The following SOX6 variants were observed in gnomAD, a reference collection of about 807,000 sequenced individuals.
The protein encoded by SOX6 is SRY-box transcription factor 6.
In SOX6, 11 loss-of-function variants were observed where a neutral mutation model predicts 97.8. The ratio of observed to expected loss-of-function variants is 0.11; its 90% CI spans 0.07 to 0.19. The LOEUF (loss-of-function observed/expected upper bound fraction) is 0.19, where lower values mean the gene tolerates loss of function less well. Ranked by LOEUF, SOX6 falls within the 10% of genes least tolerant of loss-of-function variation. The pLI, the probability that SOX6 is intolerant of heterozygous loss-of-function variation, is 1.00. For synonymous variants in SOX6, 360 were observed against 371.4 expected (o/e 0.97, Z 0.35); for missense variants, 810 against 1,039.5 (o/e 0.78, Z 3.04).
At chr11:16,157,722 T>A (rs1000327554) in intron 6 of SOX6, among the ~76,000 whole-genome samples, 1 of 152,062 alleles carries the variant, frequency 6.6e-6, no homozygotes, top group Non-Finnish European at 1.5e-5. Flanking sequence ...GCCACACTTG[T>A]ACTTGTTCAC....
intron 6 of SOX6, among the ~76,000 whole-genome samples, chr11:16,180,402 A>G (rs1851315717): frequency 6.6e-6 from 1 of 151,664 alleles, no homozygotes; most frequent in Non-Finnish European, 1.5e-5. Flanking sequence ...AATATTCCCA[A>G]CTCCAAAGAT....
At chr11:16,349,906 T>A (rs1856892290) in intron 1 of SOX6, among the ~76,000 whole-genome samples, 1 of 152,172 alleles carries the variant, frequency 6.6e-6, no homozygotes, top group Non-Finnish European at 1.5e-5. Context: ...TTTAACCATT[T>A]CATTTTTGAA....
intron 3 of SOX6, among the ~76,000 whole-genome samples, chr11:16,642,947 T>C (rs1848944758): frequency 6.6e-6 from 1 of 152,242 alleles, no homozygotes; most frequent in Admixed American, 6.5e-5. Flanking sequence ...CTTTGTTCCA[T>C]TGCTGGTGAG....
chr11:16,522,994 A>G (rs1004917293), intron 4 of SOX6, among the ~76,000 whole-genome samples: 1 of 152,192 alleles, frequency 6.6e-6, no homozygotes, highest in South Asian at 2.1e-4. Context: ...GTCCTTAGAG[A>G]CCTACAAAGA....
At chr11:15,996,190 C>T (rs1025706613) in intron 13 of SOX6, among the ~76,000 whole-genome samples, 2 of 151,884 alleles carry the variant, frequency 1.3e-5, no homozygotes, top group African/African-American at 4.8e-5. Context: ...TATGGAACAA[C>T]AATAGCATAT....
chr11:16,143,472 T>C (rs1181029672), intron 6 of SOX6, among the ~76,000 whole-genome samples: 1 of 152,160 alleles, frequency 6.6e-6, no homozygotes, highest in Admixed American at 6.5e-5. Context: ...GCTAACATCA[T>C]AATGACAGGA....
intron 4 of SOX6, among the ~76,000 whole-genome samples, chr11:16,198,230 C>CTTT (rs71455880): frequency 4.1e-5 from 2 of 48,360 alleles, no homozygotes; most frequent in Non-Finnish European, 7.7e-5. Flanking sequence ...ATTTTTTTTT[C>CTTT]TTTTTTTTTT....
chr11:16,642,990 C>T (rs1848946061), intron 3 of SOX6, among the ~76,000 whole-genome samples: 1 of 152,222 alleles, frequency 6.6e-6, no homozygotes, highest in African/African-American at 2.4e-5. Flanking sequence ...AAGAGGTGCT[C>T]TGATTTTTAG....
chr11:16,477,508 C>G (rs961286254), upstream of SOX6, among the ~76,000 whole-genome samples: 1 of 152,030 alleles, frequency 6.6e-6, no homozygotes, highest in Non-Finnish European at 1.5e-5. Flanking sequence ...CTAAAATATG[C>G]TTTTACCTAA....
At chr11:16,151,436 A>G (rs1297193176) in intron 6 of SOX6, among the ~76,000 whole-genome samples, 1 of 152,198 alleles carries the variant, frequency 6.6e-6, no homozygotes, top group Non-Finnish European at 1.5e-5. Context: ...AGTTCATACC[A>G]TTCACTGTCT....
At chr11:16,552,119 T>C (rs1589982417) in intron 4 of SOX6, among the ~76,000 whole-genome samples, 2 of 152,158 alleles carry the variant, frequency 1.3e-5, no homozygotes, top group African/African-American at 4.8e-5. Context: ...ACTATAGTAA[T>C]GCCTAAAATT....
intron 3 of SOX6, among the ~76,000 whole-genome samples, chr11:16,272,864 C>G (rs1854297144): frequency 6.6e-6 from 1 of 151,852 alleles, no homozygotes; most frequent in Admixed American, 6.6e-5. Flanking sequence ...CTCCATCTAG[C>G]ACAATGTTAT....
In SOX6 at chr11:16,177,792, T is replaced by C. The variant is rs116990617; in HGVS notation, c.777+6094A>G. Among the ~76,000 whole-genome samples the C allele has an allele frequency of 3.9e-3, 598 of 151,954 alleles. 2 individuals are homozygous for C. Among genetic ancestry groups the C allele is most frequent in the South Asian group, 0.028 (133 of 4,828 alleles). ...TTTTCCTATTCAGTATTATGTAATGTCACATGCTGGCCTCACCTGGAACAT... is the reference window on the plus strand; with the variant it reads ...TTTTCCTATTCAGTATTATGTAATGCCACATGCTGGCCTCACCTGGAACAT... On this transcript the variant is annotated intron_variant, in intron 6 of 15. Coordinates refer to ENST00000683767, the MANE Select transcript of SOX6 (RefSeq NM_001367873.1).
At chr11:16,622,551 A>G (rs1848560265) in intron 3 of SOX6, among the ~76,000 whole-genome samples, 1 of 152,216 alleles carries the variant, frequency 6.6e-6, no homozygotes, top group Admixed American at 6.5e-5. Flanking sequence ...TACTCTGCTT[A>G]CAATAATGGT....
intron 3 of SOX6, among the ~76,000 whole-genome samples, chr11:16,302,084 C>A (rs1208704281): frequency 6.6e-6 from 1 of 152,130 alleles, no homozygotes; most frequent in African/African-American, 2.4e-5. Flanking sequence ...TCTTCCCCTG[C>A]CATTGCCTTA....
intron 4 of SOX6, among the ~76,000 whole-genome samples, chr11:16,513,785 G>A (rs1392671889): frequency 6.6e-6 from 1 of 152,090 alleles, no homozygotes; most frequent in African/African-American, 2.4e-5. Context: ...GAACATTACA[G>A]TAAAACACAA....
chr11:16,391,556 T>C (rs1858182638), intron 1 of SOX6, among the ~76,000 whole-genome samples: 1 of 152,172 alleles, frequency 6.6e-6, no homozygotes, highest in Non-Finnish European at 1.5e-5. Context: ...TAATTCATTA[T>C]TAGTAAACAT....
chr11:16,164,858 A>T (rs903669496), intron 6 of SOX6, among the ~76,000 whole-genome samples: 1 of 151,924 alleles, frequency 6.6e-6, no homozygotes, highest in Non-Finnish European at 1.5e-5. Flanking sequence ...GAAAAAAGAA[A>T]GTCCACAGAG....
intron 1 of SOX6, among the ~76,000 whole-genome samples, chr11:16,442,567 T>C (rs1859523981): frequency 6.6e-6 from 1 of 152,124 alleles, no homozygotes; most frequent in South Asian, 2.1e-4. Flanking sequence ...ATAAATTATA[T>C]TTATGTGCAT....
Sources: allele counts gnomAD v4.1 joint callset (sites outside exome capture counted in the v4.1 genomes callset), GRCh38; gene constraint gnomAD v4.1.1; transcripts MANE v1.5; gene names NCBI Gene and HGNC (gene_info 2026-07-23, HGNC 2026-07-21).